The following GRIK4 variants were observed in gnomAD, a reference collection of about 807,000 sequenced individuals.
GRIK4 encodes the protein glutamate ionotropic receptor kainate type subunit 4.
A neutral mutation model predicts 104.9 loss-of-function variants in GRIK4; 40 were observed. The observed-to-expected ratio is 0.38, with a 90% CI of 0.30 to 0.50. The LOEUF is 0.50. Ranked by LOEUF, GRIK4 falls within the 20% of genes least tolerant of loss-of-function variation. The pLI is 0.93. For missense variants in GRIK4, 1,047 were observed against 1,308.1 expected, an observed-to-expected ratio of 0.80 and a Z score of 3.08; for synonymous variants, 485 against 524.9, an observed-to-expected ratio of 0.92 and a Z score of 1.04.
At chr11:120,537,657 G>A (rs1193213338) in intron 1 of GRIK4, among the ~76,000 whole-genome samples, 3 of 152,176 alleles carry the variant, frequency 2.0e-5, no homozygotes, top group Admixed American at 1.3e-4. Flanking sequence ...CCTATGTAGC[G>A]GGCGATCATG....
At chr11:120,536,667 G>A (rs957611999) in intron 1 of GRIK4, among the ~76,000 whole-genome samples, 6 of 152,188 alleles carry the variant, frequency 3.9e-5, no homozygotes, top group Non-Finnish European at 8.8e-5. Context: ...GATGGCTCAG[G>A]TGAGGAGGGA....
At chr11:120,944,811 G>A (rs942062702) in intron 14 of GRIK4, among the ~76,000 whole-genome samples, 1 of 152,178 alleles carries the variant, frequency 6.6e-6, no homozygotes, top group African/African-American at 2.4e-5. Flanking sequence ...GTTATTAGAT[G>A]CATGTCACAT....
At chr11:120,630,325 TGACCA>T (rs1949318840) in intron 1 of GRIK4, among the ~76,000 whole-genome samples, 1 of 152,228 alleles carries the variant, frequency 6.6e-6, no homozygotes, top group Non-Finnish European at 1.5e-5. Context: ...AAAGACTGCC[TGACCA>T]TTTTGTGGTG....
chr11:120,723,423 G>A (rs1950967546), intron 3 of GRIK4, among the ~76,000 whole-genome samples: 1 of 152,150 alleles, frequency 6.6e-6, no homozygotes, highest in Non-Finnish European at 1.5e-5. Context: ...CACTGTGAGG[G>A]TGACAAGCAA....
intron 13 of GRIK4, among the ~76,000 whole-genome samples, chr11:120,909,336 C>G (rs1283126363): frequency 6.6e-6 from 1 of 152,200 alleles, no homozygotes; most frequent in Non-Finnish European, 1.5e-5. Context: ...TCTCAATGCC[C>G]CTTTTCTTGT....
At chr11:120,897,375 C>T (rs1942608722) in intron 11 of GRIK4, among the ~76,000 whole-genome samples, 1 of 151,166 alleles carries the variant, frequency 6.6e-6, no homozygotes, top group Non-Finnish European at 1.5e-5. Context: ...TGGCTCATGC[C>T]TGTAATCCCA....
intron 3 of GRIK4, among the ~76,000 whole-genome samples, chr11:120,721,805 G>A (rs984074834): frequency 1.3e-5 from 2 of 152,150 alleles, no homozygotes; most frequent in African/African-American, 4.8e-5. Context: ...AACCCTGGGA[G>A]GGGCAGTCTC....
chr11:120,694,906 G>T (rs1165891080), intron 3 of GRIK4, among the ~76,000 whole-genome samples: 2 of 152,098 alleles, frequency 1.3e-5, no homozygotes, highest in Non-Finnish European at 2.9e-5. Context: ...CTTCCCATTG[G>T]CTCCCGCAGC....
rs186403254 is a variant in GRIK4 at position 120,972,878 on chromosome 11, A to G, written c.2395+5555A>G. Among the ~76,000 whole-genome samples the G allele has an allele frequency of 6.6e-5, 10 of 152,202 alleles. No individual in the cohort carries two copies. The East Asian group carries it at 1.5e-3, about 24-fold the overall frequency. On this transcript the variant is annotated intron_variant, in intron 19 of 20. Coordinates refer to ENST00000527524, the MANE Select transcript of GRIK4 (RefSeq NM_014619.5). The stretch of plus-strand genomic sequence containing the variant: ...AGAAATATGTGCCATGCCTTAGTGA[A>G]GTGGGGGACGTAAGAGGCGGCACGT...
chr11:120,960,655 A>G lies in GRIK4; in HGVS notation c.1875-254A>G, dbSNP rs75111895. Reference sequence around the variant, plus strand: ...TGCATGGACTACACCTCTTTTGAATAATAACCCAATAATCATCTCCTTTAG... The same window carrying G: ...TGCATGGACTACACCTCTTTTGAATGATAACCCAATAATCATCTCCTTTAG... On this transcript the variant is annotated intron_variant, in intron 16 of 20. Transcript: ENST00000527524. Among the ~76,000 whole-genome samples, 1,337 of 152,366 alleles carry G rather than the reference A, an allele frequency of 8.8e-3. 19 individuals carry two copies. The highest frequency in any genetic ancestry group is 0.03 in the African/African-American group (1,244 of 41,588).
chr11:120,539,893 C>T (rs1948015417), intron 1 of GRIK4, among the ~76,000 whole-genome samples: 1 of 152,136 alleles, frequency 6.6e-6, no homozygotes, highest in African/African-American at 2.4e-5. Flanking sequence ...GGTTACCCAC[C>T]AAATGCAATG....
chr11:120,761,359 G>A (rs1951746601), intron 3 of GRIK4, among the ~76,000 whole-genome samples: 1 of 152,162 alleles, frequency 6.6e-6, no homozygotes, highest in South Asian at 2.1e-4. Context: ...CCTTTTGTCA[G>A]ATGGATAGAT....
intron 8 of GRIK4, among the ~76,000 whole-genome samples, chr11:120,857,641 A>C (rs982048827): frequency 1.3e-5 from 2 of 152,198 alleles, no homozygotes; most frequent in Admixed American, 1.3e-4. Flanking sequence ...TGGTTAGCAC[A>C]GCTTCTACTC....
chr11:120,904,906 C>G (rs1050418753), intron 12 of GRIK4, among the ~76,000 whole-genome samples: 1 of 152,198 alleles, frequency 6.6e-6, no homozygotes, highest in Non-Finnish European at 1.5e-5. Flanking sequence ...TCTTACCTAG[C>G]CTGCTTATTG....
chr11:120,792,484 G>A (rs1201737939), intron 3 of GRIK4, among the ~76,000 whole-genome samples: 1 of 152,050 alleles, frequency 6.6e-6, no homozygotes, highest in Non-Finnish European at 1.5e-5. Context: ...CCAGGTGGTG[G>A]TGGTTGTGCC....
intron 3 of GRIK4, among the ~76,000 whole-genome samples, chr11:120,770,293 C>G (rs1205726751): frequency 7.9e-5 from 12 of 152,196 alleles, no homozygotes; most frequent in Non-Finnish European, 1.5e-4. Context: ...ACCTTAACTC[C>G]CAGCATCTGT....
At chr11:120,522,117 T>C (rs1488519449) in intron 1 of GRIK4, among the ~76,000 whole-genome samples, 1 of 152,218 alleles carries the variant, frequency 6.6e-6, no homozygotes, top group African/African-American at 2.4e-5. Context: ...AGCCGGGATA[T>C]GAACTAGGCA....
chr11:120,664,140 G>A (rs1949865415), intron 3 of GRIK4, among the ~76,000 whole-genome samples: 1 of 152,182 alleles, frequency 6.6e-6, no homozygotes, highest in African/African-American at 2.4e-5. Context: ...CCAATAACAT[G>A]TTTGGTATCA....
chr11:120,983,498 T>G (rs1944686747), intron 20 of GRIK4, among the ~76,000 whole-genome samples: 1 of 152,216 alleles, frequency 6.6e-6, no homozygotes, highest in African/African-American at 2.4e-5. Flanking sequence ...CCCTTGATGA[T>G]GGGGATACTT....
Sources: gnomAD v4.1 joint callset for allele counts (sites outside exome capture counted in the v4.1 genomes callset) on GRCh38, gnomAD v4.1.1 for gene constraint, MANE v1.5 for transcripts, NCBI Gene and HGNC (gene_info 2026-07-23, HGNC 2026-07-21) for gene names.